Variants in CLSPN observed in about 807,000 individuals in gnomAD.
CLSPN encodes the protein claspin, also known as claspin homolog.
Under a neutral mutation model 156.3 loss-of-function variants are expected in CLSPN, and 85 were observed. That is an observed-to-expected ratio of 0.54 (90% confidence interval 0.46 to 0.65). The LOEUF (loss-of-function observed/expected upper bound fraction) is 0.65. Among genes scored for constraint, CLSPN ranks in the 30% least tolerant of loss-of-function variants. The probability of loss-of-function intolerance (pLI) is 0.00; values close to 1 mark genes in which losing one functional copy is unlikely to be tolerated. For missense variants in CLSPN, 1,407 were observed against 1,554.9 expected, an observed-to-expected ratio of 0.90 and a Z score of 1.60; for synonymous variants, 534 against 542.4, an observed-to-expected ratio of 0.98 and a Z score of 0.22.
intron 10 of CLSPN, among the ~76,000 whole-genome samples, chr1:35,750,497 G>A (rs1371679175): frequency 4.6e-5 from 7 of 151,156 alleles, no homozygotes; most frequent in Non-Finnish European, 8.8e-5. Context: ...CACTGCCCAA[G>A]TTCAAGCAAT....
In CLSPN at chr1:35,769,953, C is replaced by T. The variant is rs1201813045; in HGVS notation, c.-83G>A. 6 of 1,525,604 alleles carry T rather than the reference C, an allele frequency of 3.9e-6. No homozygotes were observed. Among genetic ancestry groups the T allele is most frequent in the African/African-American group, 1.4e-5 (1 of 72,698 alleles). The allele number at this position is 1,525,604 out of a possible 1,614,324, so 94.5% of individuals were successfully genotyped here. On this transcript the variant is annotated 5_prime_UTR_variant, in exon 1 of 25. Coordinates refer to ENST00000318121, the MANE Select transcript of CLSPN (RefSeq NM_022111.4). Reference sequence around the variant, plus strand: ...GGAGAGCAGCGGCTCCCGCCGTCTCCAGCCCAGCAGTGCTGTTCTTGCTTT... The same window carrying T: ...GGAGAGCAGCGGCTCCCGCCGTCTCTAGCCCAGCAGTGCTGTTCTTGCTTT...
At chr1:35,747,409 G>C (rs2148618209) in intron 14 of CLSPN, among the ~76,000 whole-genome samples, 1 of 152,244 alleles carries the variant, frequency 6.6e-6, no homozygotes, top group Non-Finnish European at 1.5e-5. Flanking sequence ...CCAGTTAAAA[G>C]CTGAATCTCA....
At chr1:35,737,513 C>A in intron 22 of CLSPN, 92 bp from the exon 23 acceptor site, 1 of 968,278 alleles carries the variant, frequency 1.0e-6, no homozygotes, top group East Asian at 2.5e-5. Flanking sequence ...GTAACTAAAT[C>A]AATATGCTAA....
intron 12 of CLSPN, among the ~76,000 whole-genome samples, chr1:35,749,068 G>A (rs925752518): frequency 7.9e-5 from 12 of 151,812 alleles, no homozygotes; most frequent in African/African-American, 2.9e-4. Flanking sequence ...CTCATGATCC[G>A]CCTGCCTCAG....
chr1:35,766,803 G>A (rs1642693606), intron 1 of CLSPN, among the ~76,000 whole-genome samples: 1 of 150,932 alleles, frequency 6.6e-6, no homozygotes, highest in Non-Finnish European at 1.5e-5. Context: ...TGCCCAAGCT[G>A]GAGTGCAATG....
chr1:35,741,355 G>A (rs1641682826), intron 18 of CLSPN, among the ~76,000 whole-genome samples: 2 of 151,964 alleles, frequency 1.3e-5, no homozygotes, highest in African/African-American at 2.4e-5. Context: ...AGTTTCTCTC[G>A]TCGCCCAGGC....
chr1:35,762,674 C>T (rs1219404088), intron 4 of CLSPN, among the ~76,000 whole-genome samples, 193 bp from the exon 5 acceptor site: 1 of 152,072 alleles, frequency 6.6e-6, no homozygotes, highest in Admixed American at 6.6e-5. Context: ...AGTCTGGACC[C>T]TTATTTCTTT....
rs1571191192 is a variant in CLSPN at position 35,736,421 on chromosome 1, A to G, written c.*75T>C. 3.7e-5 allele frequency: 55 copies of G among 1,484,262 alleles called. No individual in the cohort carries two copies. The highest frequency in any genetic ancestry group is 1.4e-5 in the African/African-American group (1 of 70,570). The allele number at this position is 1,484,262 out of a possible 1,614,324, so 91.9% of individuals were successfully genotyped here. On this transcript the variant is annotated 3_prime_UTR_variant, in exon 25 of 25. Transcript: ENST00000318121. The stretch of plus-strand genomic sequence containing the variant: ...GAAAGAAGGAAGGATCATTGGCTGG[A>G]GTGTCAATTCCAACTTTCAGTGCTA...
intron 1 of CLSPN, among the ~76,000 whole-genome samples, chr1:35,768,020 T>C (rs910606885): frequency 6.6e-6 from 1 of 152,050 alleles, no homozygotes; most frequent in East Asian, 1.9e-4. Flanking sequence ...AAGGGAGAAA[T>C]ATGAACATCA....
At chr1:35,742,016 C>T (rs1290090822) in intron 18 of CLSPN, among the ~76,000 whole-genome samples, 1 of 130,172 alleles carries the variant, frequency 7.7e-6, no homozygotes, top group African/African-American at 2.9e-5. Flanking sequence ...GGCCTGGTGG[C>T]TCATGCCTGT....
At chr1:35,730,525 G>A (rs142697281), downstream of CLSPN, among the ~76,000 whole-genome samples, 169 of 136,578 alleles carry the variant, frequency 1.2e-3, 1 homozygote, top group Admixed American at 4.2e-3. Context: ...CCAAGATCAC[G>A]TCACTGCACT....
intron 9 of CLSPN, 146 bp downstream of exon 9, chr1:35,753,599 C>A: frequency 1.4e-6 from 1 of 703,852 alleles, no homozygotes; most frequent in Non-Finnish European, 2.4e-6. Context: ...AGGTGTGCTA[C>A]ACGTGAATCA....
At chr1:35,748,124 C>G in intron 13 of CLSPN, 63 bp from the exon 14 acceptor site, 1 of 1,553,768 alleles carries the variant, frequency 6.4e-7, no homozygotes. Flanking sequence ...ATTGTCATGA[C>G]AACCACAAAA....
At chr1:35,755,609 G>A (rs1348947287) in intron 8 of CLSPN, among the ~76,000 whole-genome samples, 8 of 151,988 alleles carry the variant, frequency 5.3e-5, no homozygotes, top group Admixed American at 1.3e-4. Context: ...GTTTTGCCAT[G>A]TTGTCCAGGC....
In CLSPN at chr1:35,743,615, T is replaced by G. The variant is rs538368237; in HGVS notation, c.2967-85A>C. 3.6e-6 allele frequency: 4 copies of G among 1,106,606 alleles called. No individual in the cohort carries two copies. The East Asian group carries it at 7.1e-5, about 20-fold the overall frequency. The allele number at this position is 1,106,606 out of a possible 1,614,324, so 68.5% of individuals were successfully genotyped here. A position where few individuals can be genotyped will look rare whatever the true frequency, so the allele number is the denominator to read the frequency against. ...GCCAAGTTATGAATTAAAAAAAATTTTGTGTGTGTTAATTTTTTTTTTTTC... is the reference window on the plus strand; with the variant it reads ...GCCAAGTTATGAATTAAAAAAAATTGTGTGTGTGTTAATTTTTTTTTTTTC... On this transcript the variant is annotated intron_variant, in intron 16 of 24. Coordinates refer to ENST00000318121, the MANE Select transcript of CLSPN (RefSeq NM_022111.4).
chr1:35,745,053 T>A (rs1016532682), intron 16 of CLSPN, among the ~76,000 whole-genome samples: 1 of 152,156 alleles, frequency 6.6e-6, no homozygotes, highest in African/African-American at 2.4e-5. Context: ...CCTCAGATGA[T>A]CCACCGTGCC....
intron 9 of CLSPN, among the ~76,000 whole-genome samples, chr1:35,752,504 G>T (rs182523073): frequency 4.7e-4 from 69 of 147,602 alleles, no homozygotes; most frequent in African/African-American, 1.6e-3. Context: ...CTTGAACCCA[G>T]GAGGTAGAGG....
intron 20 of CLSPN, 88 bp from the exon 21 acceptor site, chr1:35,738,670 CT>C (rs1298346886): frequency 7.6e-7 from 1 of 1,323,314 alleles, no homozygotes; most frequent in African/African-American, 1.5e-5. Context: ...TTATCATTTA[CT>C]ATATAATGAT....
In CLSPN at chr1:35,732,312, C is replaced by T. The variant is rs1641337409; in HGVS notation, c.*4184G>A. 1 of 985,380 alleles carries T rather than the reference C, an allele frequency of 1.0e-6. No individual in the cohort carries two copies. Among genetic ancestry groups the T allele is most frequent in the East Asian group, 1.1e-4 (1 of 8,816 alleles). 61.0% of individuals were successfully genotyped at this position (985,380 alleles called of 1,614,324 possible). On this transcript the variant is annotated 3_prime_UTR_variant, in exon 25 of 25. Coordinates refer to ENST00000318121, the MANE Select transcript of CLSPN (RefSeq NM_022111.4). ...GCACAAATCCCAGGACAGGATGCCA[C>T]AAGAGTGATTAGACATAACCCTAGG...
Sources: allele counts gnomAD v4.1 joint callset (sites outside exome capture counted in the v4.1 genomes callset), GRCh38; gene constraint gnomAD v4.1.1; transcripts MANE v1.5; gene names NCBI Gene and HGNC (gene_info 2026-07-23, HGNC 2026-07-21).